The following PRKD3 variants were observed in gnomAD, a reference collection of about 807,000 sequenced individuals.
PRKD3 encodes the protein protein kinase D3.
PRKD3 carries 47 observed loss-of-function variants against 99.2 expected under a neutral mutation model. The ratio of observed to expected loss-of-function variants is 0.47; its 90% CI spans 0.38 to 0.60. PRKD3 has a LOEUF of 0.60. Among genes scored for constraint, PRKD3 ranks in the 20% least tolerant of loss-of-function variants. PRKD3 has a pLI of 0.00. For missense variants in PRKD3, 1,019 were observed against 1,088.4 expected (o/e 0.94, Z 0.90); for synonymous variants, 392 against 355.4 (o/e 1.10, Z -1.16).
chr2:37,311,097 C>G (rs1218318713), intron 2 of PRKD3, among the ~76,000 whole-genome samples: 2 of 152,144 alleles, frequency 1.3e-5, no homozygotes, highest in Non-Finnish European at 1.5e-5. Flanking sequence ...CCAGTATCTG[C>G]TGTCTCACAG....
chr2:37,279,997 G>A (rs1473671787), intron 7 of PRKD3, 68 bp from the exon 8 acceptor site: 5 of 976,282 alleles, frequency 5.1e-6, no homozygotes. Context: ...TGTGAAAAAA[G>A]TCTTAAGAGT....
intron 6 of PRKD3, among the ~76,000 whole-genome samples, chr2:37,285,530 C>CA (rs956487402): frequency 7.3e-5 from 11 of 150,932 alleles, no homozygotes; most frequent in South Asian, 6.3e-4. Context: ...TACTTAAAAA[C>CA]AAAAAAAACC....
chr2:37,251,810 T>C lies in PRKD3; in HGVS notation c.*1367A>G, dbSNP rs935005041. On this transcript the variant is annotated 3_prime_UTR_variant, in exon 19 of 19. Coordinates refer to ENST00000234179, the MANE Select transcript of PRKD3 (RefSeq NM_005813.6). ...GACCTGCCATCTGTCCAGGCCAACA[T>C]AACTAACAAGTAGTGGAGTCCAAGA... 1 of 151,714 alleles carries C rather than the reference T, an allele frequency of 6.6e-6. No individual in the cohort carries two copies. The highest frequency in any genetic ancestry group is 1.5e-5 in the Non-Finnish European group (1 of 67,946). The allele number at this position is 151,714 out of a possible 1,614,324, so 9.4% of individuals were successfully genotyped here.
intron 1 of PRKD3, among the ~76,000 whole-genome samples, chr2:37,323,420 T>TA (rs1257672677): frequency 2.0e-5 from 3 of 152,094 alleles, no homozygotes; most frequent in Admixed American, 1.3e-4. Context: ...TATTACTACC[T>TA]ACTGAAGAAA....
rs139186835 is a variant in PRKD3, at chr2:37,274,176, T to C, written c.1651+245A>G. Among the ~76,000 whole-genome samples the C allele has an allele frequency of 2.4e-3, 370 of 152,318 alleles. 3 individuals carry two copies. The highest frequency in any genetic ancestry group is 8.6e-3 in the African/African-American group (359 of 41,568). On this transcript the variant is annotated intron_variant, in intron 11 of 18. Transcript: ENST00000234179. ...TTGCCTGATCATATAACAGATGGTA[T>C]AGCCAGGATTTTCATGTAGGAAAAC...
At chr2:37,260,857 T>C (rs1041327309) in intron 14 of PRKD3, among the ~76,000 whole-genome samples, 5 of 152,310 alleles carry the variant, frequency 3.3e-5, no homozygotes, top group Non-Finnish European at 7.4e-5. Context: ...ATTAATTCCC[T>C]TTTTTTAGGC....
In PRKD3 at chr2:37,277,955, C is replaced by T. The variant is rs763280930; in HGVS notation, c.1207G>A (p.Val403Ile). The T allele has an allele frequency of 6.2e-6, 10 of 1,611,052 alleles. No individual in the cohort carries two copies. Among genetic ancestry groups the T allele is most frequent in the Non-Finnish European group, 8.5e-6 (10 of 1,177,750 alleles). ...TTTGTGTGCTTGATGGATTGTACAA[C>T]CCTCATTAGCGGAATATTATTGCTT... is the stretch of plus-strand genomic sequence containing the variant. ...STSNNIPLMR[V>I]VQSIKHTKRK... Residue 403 changes from valine (V) to isoleucine (I), a missense_variant, in exon 9 of 19, where the codon GTT (valine) becomes ATT (isoleucine). Around this residue, in one of 3 missense-constraint regions of PRKD3, gnomAD observed 710 missense variants for 692.7 expected, o/e 1.02. Transcript: ENST00000234179.
rs1205357749 is a variant in PRKD3 at position 37,289,488 on chromosome 2, T to C, written c.585A>G (p.Arg195=). The C allele has an allele frequency of 1.9e-6, 3 of 1,613,166 alleles. No homozygotes were observed. The African/African-American group carries it at 4.0e-5, about 22-fold the overall frequency. Residue 195 remains arginine, a synonymous_variant, in exon 5 of 19, where the codon CGA becomes CGG. Transcript: ENST00000234179. The part of the protein sequence containing the change: ...CEGCGLNYHK[R]CAFKIPNNCS... Reference sequence around the variant, plus strand: ...AGTTATTTGGAATCTTGAAGGCACATCGTTTATGGTAATTTAATCCACAGC... The same window carrying C: ...AGTTATTTGGAATCTTGAAGGCACACCGTTTATGGTAATTTAATCCACAGC...
At chr2:37,276,217 T>C (rs1669564270) in intron 9 of PRKD3, among the ~76,000 whole-genome samples, 1 of 150,886 alleles carries the variant, frequency 6.6e-6, no homozygotes, top group African/African-American at 2.5e-5. Context: ...TCAACAGACA[T>C]GTGCACATGT....
At chr2:37,304,910 C>A (rs1671090737) in intron 2 of PRKD3, among the ~76,000 whole-genome samples, 1 of 151,804 alleles carries the variant, frequency 6.6e-6, no homozygotes, top group African/African-American at 2.4e-5. Context: ...AATTAAAGAT[C>A]TAGGATCTTC....
At chr2:37,259,135 G>GT (rs1211274464) in intron 16 of PRKD3, among the ~76,000 whole-genome samples, 23 of 152,146 alleles carry the variant, frequency 1.5e-4, no homozygotes, top group Non-Finnish European at 3.1e-4. Flanking sequence ...GCCATTGTGT[G>GT]TATGTGTGGT....
At chr2:37,320,329 C>T (rs1328672889) in intron 1 of PRKD3, among the ~76,000 whole-genome samples, 1 of 151,766 alleles carries the variant, frequency 6.6e-6, no homozygotes, top group Non-Finnish European at 1.5e-5. Context: ...GTAATGAGCT[C>T]CACAACGTAT....
At chr2:37,290,317 C>T (rs1670344346) in intron 4 of PRKD3, among the ~76,000 whole-genome samples, 1 of 152,158 alleles carries the variant, frequency 6.6e-6, no homozygotes, top group Admixed American at 6.5e-5. Flanking sequence ...CAACCTCCGT[C>T]ACCCAGGCAG....
chr2:37,312,033 T>C (rs1671448338), intron 2 of PRKD3, among the ~76,000 whole-genome samples: 1 of 152,246 alleles, frequency 6.6e-6, no homozygotes, highest in Non-Finnish European at 1.5e-5. Context: ...TGTGGCCTAT[T>C]GTAAAAGATT....
chr2:37,294,342 C>G (rs1208438923), intron 2 of PRKD3, among the ~76,000 whole-genome samples: 9 of 152,074 alleles, frequency 5.9e-5, no homozygotes. Context: ...GTGATTCCCC[C>G]ACGTCAGCCT....
chr2:37,324,062 G>A (rs1671999648), intron 1 of PRKD3: 1 of 421,072 alleles, frequency 2.4e-6, no homozygotes, highest in Admixed American at 6.4e-5. Context: ...AAGAAACAGT[G>A]GCACTCCTCA....
Position 37,267,468 on chromosome 2 carries a change from G to C in PRKD3, c.1846C>G (p.Gln616Glu). 6.2e-7 allele frequency: 1 copy of C among 1,607,748 alleles called. No individual in the cohort carries two copies. The highest frequency in any genetic ancestry group is 2.2e-5 in the East Asian group (1 of 44,600). Residue 616 changes from glutamine to glutamate, a missense_variant, in exon 14 of 19, where the codon CAA becomes GAA. This residue lies in a region of PRKD3 where 184 missense variants were observed against 275.1 expected (regional missense o/e 0.67). Coordinates refer to ENST00000234179, the MANE Select transcript of PRKD3 (RefSeq NM_005813.6). ...VIDKMRFPTK[Q>E]ESQLRNEVAI... ...ACTTCATTACGGAGTTGACTTTCTTGTTTTGTGGGGAATCTCATCTTATCA... is the reference window on the plus strand; with the variant it reads ...ACTTCATTACGGAGTTGACTTTCTTCTTTTGTGGGGAATCTCATCTTATCA...
intron 1 of PRKD3, among the ~76,000 whole-genome samples, chr2:37,323,611 G>A (rs1476052278): frequency 1.3e-5 from 2 of 152,108 alleles, no homozygotes; most frequent in Non-Finnish European, 2.9e-5. Flanking sequence ...GACGCCTTCT[G>A]CAGCAAAGCT....
chr2:37,284,204 A>G (rs1300857347), intron 6 of PRKD3, among the ~76,000 whole-genome samples: 1 of 152,180 alleles, frequency 6.6e-6, no homozygotes, highest in Non-Finnish European at 1.5e-5. Context: ...AAATGAAAAT[A>G]TTTTTATTTT....
Sources: allele counts gnomAD v4.1 joint callset (sites outside exome capture counted in the v4.1 genomes callset), GRCh38; gene constraint gnomAD v4.1.1; regional missense constraint gnomAD v4.1.1; transcripts MANE v1.5; gene names NCBI Gene and HGNC (gene_info 2026-07-23, HGNC 2026-07-21).